SLIT3: variants seen among roughly 807,000 people sequenced by gnomAD.
The protein encoded by SLIT3 is slit homolog 3 protein.
A neutral mutation model predicts 184.0 loss-of-function variants in SLIT3; 68 were observed. That is an observed-to-expected ratio of 0.37 (90% confidence interval 0.30 to 0.45). The LOEUF is 0.45. Ranked by LOEUF, SLIT3 falls within the 20% of genes least tolerant of loss-of-function variation. The probability of loss-of-function intolerance (pLI) is 1.00; values close to 1 mark genes in which losing one functional copy is unlikely to be tolerated. For missense variants in SLIT3, 1,707 were observed against 2,026.0 expected (o/e 0.84, Z 3.02); for synonymous variants, 831 against 828.6 (o/e 1.00, Z -0.05).
rs200927635 is a variant in SLIT3 at position 168,670,881 on chromosome 5, G to T, written c.4127+317C>A. Among the ~76,000 whole-genome samples the T allele has an allele frequency of 5.9e-5, 9 of 152,300 alleles. No individual in the cohort carries two copies. The East Asian group carries it at 1.7e-3, about 29-fold the overall frequency. The stretch of plus-strand genomic sequence containing the variant: ...CTGGTGCCTTGCACAGGCTGAGTCT[G>T]CCCATGTGGGTGCCTTTTTTAATTC... On this transcript the variant is annotated intron_variant, in intron 34 of 35. Transcript: ENST00000519560.
At chr5:168,983,536 G>A (rs1755022185) in intron 4 of SLIT3, among the ~76,000 whole-genome samples, 1 of 152,244 alleles carries the variant, frequency 6.6e-6, no homozygotes, top group Non-Finnish European at 1.5e-5. Context: ...GAGAAGGGCA[G>A]AGGCTGATGT....
At chr5:168,690,388 G>A (rs11750308) in intron 29 of SLIT3, among the ~76,000 whole-genome samples, 19,190 of 152,180 alleles carry the variant, frequency 0.13, 1,465 homozygotes, top group Non-Finnish European at 0.17. Flanking sequence ...GTGTAAGCCT[G>A]TGTCCTCTGA....
intron 3 of SLIT3, among the ~76,000 whole-genome samples, chr5:169,222,950 C>G (rs773393452): frequency 6.6e-6 from 1 of 152,136 alleles, no homozygotes; most frequent in East Asian, 1.9e-4. Flanking sequence ...TGGCCAAAAC[C>G]GAATGGGAAG....
chr5:169,116,455 C>T (rs1303660759), intron 4 of SLIT3, among the ~76,000 whole-genome samples: 3 of 152,190 alleles, frequency 2.0e-5, no homozygotes, highest in African/African-American at 7.2e-5. Context: ...ACCAAGATAT[C>T]TCTCCAGGAT....
At chr5:168,971,508 C>T (rs1754575372) in intron 4 of SLIT3, among the ~76,000 whole-genome samples, 1 of 152,160 alleles carries the variant, frequency 6.6e-6, no homozygotes, top group Non-Finnish European at 1.5e-5. Flanking sequence ...CCTAGTTGAT[C>T]TGCCCCTTCC....
At chr5:168,857,384 T>C (rs1758924260) in intron 5 of SLIT3, among the ~76,000 whole-genome samples, 1 of 151,062 alleles carries the variant, frequency 6.6e-6, no homozygotes, top group African/African-American at 2.4e-5. Context: ...TTTTGTTTTG[T>C]TTTGTTTTGT....
At chr5:168,817,209 G>T in intron 8 of SLIT3, 91 bp downstream of exon 8, 1 of 1,202,476 alleles carries the variant, frequency 8.3e-7, no homozygotes, top group East Asian at 2.4e-5. Flanking sequence ...CTCTGGGCTA[G>T]GGTATGTGTT....
intron 4 of SLIT3, among the ~76,000 whole-genome samples, chr5:169,121,494 C>T (rs544170911): frequency 1.1e-4 from 16 of 152,290 alleles, no homozygotes; most frequent in African/African-American, 3.6e-4. Flanking sequence ...GAGGCTGCTG[C>T]GTCCTGTCAA....
chr5:169,123,539 ATTC>A (rs796780822), intron 4 of SLIT3, among the ~76,000 whole-genome samples: 2 of 152,222 alleles, frequency 1.3e-5, no homozygotes, highest in South Asian at 4.1e-4. Context: ...AGCTCACACA[ATTC>A]TGACTGCAAA....
chr5:169,142,968 T>G (rs555509818), intron 4 of SLIT3, among the ~76,000 whole-genome samples: 1 of 152,178 alleles, frequency 6.6e-6, no homozygotes, highest in African/African-American at 2.4e-5. Context: ...CCACCTTTCT[T>G]GCTATGTGAA....
At position 168,666,140 on chromosome 5, in the gene SLIT3, C is replaced by CTTAAA. The variant is rs1172725427; in HGVS notation, c.*309_*313dup. ...AGCATTTTTATTAGTCTATTTTTTTCTTAAATTTTTAAACAGCTATTTTTA... is the reference window on the plus strand; with the variant it reads ...AGCATTTTTATTAGTCTATTTTTTTCTTAAATTAAATTTTTAAACAGCTATTTTTA... On this transcript the variant is annotated 3_prime_UTR_variant, in exon 36 of 36. Coordinates refer to ENST00000519560, the MANE Select transcript of SLIT3 (RefSeq NM_003062.4). 6 of 204,640 alleles carry CTTAAA rather than the reference C, an allele frequency of 2.9e-5. No homozygotes were observed. The highest frequency in any genetic ancestry group is 1.2e-4 in the Admixed American group (2 of 16,996). The allele number at this position is 204,640 out of a possible 1,614,324, so 12.7% of individuals were successfully genotyped here.
intron 23 of SLIT3, among the ~76,000 whole-genome samples, chr5:168,715,225 A>C (rs868027427): frequency 1.3e-5 from 2 of 152,154 alleles, no homozygotes; most frequent in South Asian, 2.1e-4. Context: ...TTTCTCAGAT[A>C]TTTTGGTTTC....
intron 1 of SLIT3, among the ~76,000 whole-genome samples, chr5:169,264,275 C>T (rs888673670): frequency 1.3e-5 from 2 of 152,104 alleles, no homozygotes; most frequent in Non-Finnish European, 2.9e-5. Context: ...CTCACTGCAA[C>T]CTCCACCTCC....
intron 14 of SLIT3, among the ~76,000 whole-genome samples, chr5:168,766,475 C>T (rs1050001529): frequency 1.3e-5 from 2 of 152,218 alleles, no homozygotes; most frequent in Non-Finnish European, 2.9e-5. Flanking sequence ...CTGGAAGATG[C>T]CAACTGTTTT....
intron 3 of SLIT3, among the ~76,000 whole-genome samples, chr5:169,216,499 T>C (rs762830349): frequency 5.4e-4 from 82 of 152,240 alleles, no homozygotes; most frequent in Non-Finnish European, 1.0e-3. Flanking sequence ...AAGGCTCTGA[T>C]AGAAACAGTA....
chr5:169,045,957 G>A (rs943795659), intron 4 of SLIT3, among the ~76,000 whole-genome samples: 1 of 152,166 alleles, frequency 6.6e-6, no homozygotes, highest in African/African-American at 2.4e-5. Flanking sequence ...GGATACAACA[G>A]GCACAGTTCT....
At chr5:168,904,148 T>TA (rs1760966561) in intron 4 of SLIT3, among the ~76,000 whole-genome samples, 1 of 152,134 alleles carries the variant, frequency 6.6e-6, no homozygotes, top group Non-Finnish European at 1.5e-5. Context: ...CCCAGAAGCT[T>TA]AGAGATGTGC....
chr5:168,859,122 AT>A (rs1759010124), intron 5 of SLIT3, among the ~76,000 whole-genome samples: 1 of 152,040 alleles, frequency 6.6e-6, no homozygotes, highest in African/African-American at 2.4e-5. Context: ...CTTTGGAAAT[AT>A]TTTCCATCCT....
chr5:169,087,481 G>A (rs1759355060), intron 4 of SLIT3, among the ~76,000 whole-genome samples: 1 of 152,200 alleles, frequency 6.6e-6, no homozygotes, highest in Non-Finnish European at 1.5e-5. Flanking sequence ...GACTAAGAAT[G>A]CACCCCTGGC....
Sources: gnomAD v4.1 joint callset for allele counts (sites outside exome capture counted in the v4.1 genomes callset) on GRCh38, gnomAD v4.1.1 for gene constraint, MANE v1.5 for transcripts, NCBI Gene and HGNC (gene_info 2026-07-23, HGNC 2026-07-21) for gene names.